Variants in PDZD2 observed in about 807,000 individuals in gnomAD.
PDZD2 encodes the protein PDZ domain-containing protein 2.
PDZD2 carries 90 observed loss-of-function variants against 220.7 expected under a neutral mutation model. The ratio of observed to expected loss-of-function variants is 0.41; its 90% confidence interval spans 0.34 to 0.49. PDZD2 has a LOEUF of 0.49. Ranked by LOEUF, PDZD2 falls within the 20% of genes least tolerant of loss-of-function variation. The probability of loss-of-function intolerance (pLI) is 0.28; values close to 1 mark genes in which losing one functional copy is unlikely to be tolerated. For synonymous variants in PDZD2, 1,375 were observed against 1,450.5 expected (o/e 0.95, Z 1.18); for missense variants, 3,174 against 3,608.5 (o/e 0.88, Z 3.08).
At chr5:32,084,128 GGA>G (rs1742228579) in intron 19 of PDZD2, among the ~76,000 whole-genome samples, 1 of 152,216 alleles carries the variant, frequency 6.6e-6, no homozygotes, top group African/African-American at 2.4e-5. Context: ...GAGCAGAGAA[GGA>G]GAAGAGCACG....
At chr5:31,844,643 A>C (rs1418234997) in intron 2 of PDZD2, among the ~76,000 whole-genome samples, 1 of 152,198 alleles carries the variant, frequency 6.6e-6, no homozygotes, top group Non-Finnish European at 1.5e-5. Context: ...TGGGTCGCCT[A>C]TATTTTATCT....
intron 7 of PDZD2, among the ~76,000 whole-genome samples, chr5:32,042,195 G>A (rs183092527): frequency 0.066 from 9,979 of 150,956 alleles, 443 homozygotes; most frequent in Middle Eastern, 0.12. Flanking sequence ...CCAGGAGGCG[G>A]AGCTTGCAGT....
At chr5:31,965,223 A>G (rs912925859) in intron 2 of PDZD2, among the ~76,000 whole-genome samples, 3 of 152,244 alleles carry the variant, frequency 2.0e-5, no homozygotes, top group Non-Finnish European at 2.9e-5. Flanking sequence ...ACAGAGACGG[A>G]GGAGAGCTCC....
intron 2 of PDZD2, among the ~76,000 whole-genome samples, chr5:31,819,432 G>A (rs2150252754): frequency 6.6e-6 from 1 of 152,174 alleles, no homozygotes. Context: ...TGAGGTGGGT[G>A]GATCACCTGA....
At chr5:32,107,708 T>TAGAG (rs1169510244) in intron 24 of PDZD2, among the ~76,000 whole-genome samples, 2 of 152,230 alleles carry the variant, frequency 1.3e-5, no homozygotes, top group Non-Finnish European at 1.5e-5. Context: ...ATTAAATACA[T>TAGAG]AGAGAGTATC....
intron 1 of PDZD2, among the ~76,000 whole-genome samples, chr5:31,779,225 G>A (rs1015657800): frequency 1.3e-5 from 2 of 152,042 alleles, no homozygotes; most frequent in African/African-American, 4.8e-5. Flanking sequence ...CTTGCCTGTT[G>A]CATCAACATA....
chr5:31,908,479 A>G, intron 2 of PDZD2: 2 of 993,844 alleles, frequency 2.0e-6, no homozygotes, highest in Non-Finnish European at 3.0e-6. Context: ...AGAGGGTAAC[A>G]CTGATGACTC....
At chr5:31,800,139 C>A (rs1158368770) in intron 2 of PDZD2, among the ~76,000 whole-genome samples, 1 of 152,106 alleles carries the variant, frequency 6.6e-6, no homozygotes, top group East Asian at 1.9e-4. Context: ...GGAACAAGAC[C>A]CCAAGGGCCC....
chr5:31,651,815 TTTTGTTTG>T (rs1304898760), intron 1 of PDZD2, among the ~76,000 whole-genome samples: 1 of 151,338 alleles, frequency 6.6e-6, no homozygotes, highest in African/African-American at 2.4e-5. Context: ...GTTTGTTTGT[TTTTGTTTG>T]TTTGTTTGTT....
intron 2 of PDZD2, among the ~76,000 whole-genome samples, chr5:31,891,393 C>A (rs1273156922): frequency 6.6e-6 from 1 of 151,624 alleles, no homozygotes; most frequent in Admixed American, 6.6e-5. Context: ...CTCGGCTCAC[C>A]GCAACTTCGC....
intron 2 of PDZD2, among the ~76,000 whole-genome samples, chr5:31,828,413 G>C (rs369445744): frequency 7.2e-5 from 11 of 152,176 alleles, no homozygotes; most frequent in African/African-American, 2.7e-4. Context: ...ACTTTGATTT[G>C]TATTCTCTAA....
intron 1 of PDZD2, among the ~76,000 whole-genome samples, chr5:31,669,623 T>C (rs1306419098): frequency 6.6e-6 from 1 of 152,148 alleles, no homozygotes; most frequent in African/African-American, 2.4e-5. Context: ...GGACTTCACA[T>C]AGATTGAATG....
intron 5 of PDZD2, among the ~76,000 whole-genome samples, chr5:32,003,864 A>C (rs1203102244): frequency 6.6e-6 from 1 of 152,166 alleles, no homozygotes; most frequent in African/African-American, 2.4e-5. Flanking sequence ...GGTGCCCACC[A>C]CCACGTCTGG....
chr5:32,041,548 C>T (rs574675891), intron 7 of PDZD2, among the ~76,000 whole-genome samples: 239 of 152,210 alleles, frequency 1.6e-3, no homozygotes, highest in African/African-American at 5.2e-3. Flanking sequence ...CCCCCAACCC[C>T]GTGCTCTCTG....
intron 1 of PDZD2, among the ~76,000 whole-genome samples, chr5:31,702,556 C>A (rs1380168008): frequency 6.6e-6 from 1 of 152,180 alleles, no homozygotes; most frequent in East Asian, 1.9e-4. Context: ...GTTCCTTCCC[C>A]CTACCCTGCC....
chr5:31,799,194 G>T lies in PDZD2; in HGVS notation c.-55G>T. ...CCCAGGGGACGTGGGGCCCTGTGGG[G>T]TCTGGCCCCCAGGAGCAAGACCTCT... On this transcript the variant is annotated 5_prime_UTR_variant, in exon 2 of 25. Transcript: ENST00000438447. 3 of 1,270,174 alleles carry T rather than the reference G, an allele frequency of 2.4e-6. No homozygotes were observed. Among genetic ancestry groups the T allele is most frequent in the East Asian group, 2.4e-5 (1 of 42,050 alleles). 78.7% of individuals were successfully genotyped at this position (1,270,174 alleles called of 1,614,324 possible). A position where few individuals can be genotyped will look rare whatever the true frequency, so the allele number is the denominator to read the frequency against.
chr5:31,645,535 C>T (rs879259557), intron 1 of PDZD2, among the ~76,000 whole-genome samples: 12 of 152,086 alleles, frequency 7.9e-5, no homozygotes, highest in Admixed American at 2.6e-4. Flanking sequence ...CGTGGTTTCA[C>T]CATGTTGGCC....
chr5:31,686,373 TTTTC>T lies in PDZD2; in HGVS notation c.-361+46942_-361+46945del, dbSNP rs560206397. Among the ~76,000 whole-genome samples the T allele has an allele frequency of 2.1e-3, 312 of 152,094 alleles. 1 individual carries two copies. The highest frequency in any genetic ancestry group is 7.2e-3 in the African/African-American group (298 of 41,540). ...ATATATAAAAAAAGTTTTCTTTTTT[TTTTC>T]TTTCTGAGACGGAGTCTCACTCTGT... On this transcript the variant is annotated intron_variant, in intron 1 of 24. Transcript: ENST00000438447.
intron 2 of PDZD2, among the ~76,000 whole-genome samples, chr5:31,880,817 T>C (rs1739819388): frequency 7.0e-6 from 1 of 142,038 alleles, no homozygotes; most frequent in East Asian, 2.0e-4. Context: ...TTTTTTTTTT[T>C]TGAGATGAAG....
Sources: gnomAD v4.1 joint callset for allele counts (sites outside exome capture counted in the v4.1 genomes callset) on GRCh38, gnomAD v4.1.1 for gene constraint, MANE v1.5 for transcripts, NCBI Gene and HGNC (gene_info 2026-07-23, HGNC 2026-07-21) for gene names.